The following ADAMTSL1 variants were observed in gnomAD, a reference collection of about 807,000 sequenced individuals.
ADAMTSL1 encodes the protein ADAMTS like 1.
ADAMTSL1 carries 126 observed loss-of-function variants against 201.8 expected under a neutral mutation model. That is an observed-to-expected ratio of 0.62 (90% CI 0.54 to 0.72). The LOEUF is 0.72. ADAMTSL1 is among the 30% of genes least tolerant of loss of function. The pLI, the probability that ADAMTSL1 is intolerant of heterozygous loss-of-function variation, is 0.00. For missense variants in ADAMTSL1, 2,679 were observed against 2,277.8 expected (o/e 1.18, Z -3.59); for synonymous variants, 1,121 against 903.4 (o/e 1.24, Z -4.32).
At chr9:18,157,249 G>C (rs1336830702) in intron 1 of ADAMTSL1, among the ~76,000 whole-genome samples, 1 of 152,050 alleles carries the variant, frequency 6.6e-6, no homozygotes, top group Non-Finnish European at 1.5e-5. Context: ...ACACTGCTCT[G>C]TGAGAATAAG....
intron 1 of ADAMTSL1, among the ~76,000 whole-genome samples, chr9:17,951,632 T>C (rs1429026618): frequency 6.6e-6 from 1 of 151,970 alleles, no homozygotes; most frequent in African/African-American, 2.4e-5. Flanking sequence ...TTACTCTTTT[T>C]TTTTTTTCTA....
At chr9:18,763,858 G>A (rs1399985947) in intron 16 of ADAMTSL1, among the ~76,000 whole-genome samples, 2 of 152,088 alleles carry the variant, frequency 1.3e-5, no homozygotes, top group African/African-American at 2.4e-5. Context: ...CTGTTTTCAT[G>A]CCAGTACTAT....
intron 1 of ADAMTSL1, among the ~76,000 whole-genome samples, chr9:18,021,404 T>A (rs1420927522): frequency 2.0e-5 from 3 of 152,164 alleles, no homozygotes; most frequent in Non-Finnish European, 4.4e-5. Context: ...TTTTCCTCTG[T>A]GGACCCTCCT....
chr9:18,192,066 G>A (rs748655250), intron 2 of ADAMTSL1, among the ~76,000 whole-genome samples: 7 of 151,980 alleles, frequency 4.6e-5, no homozygotes, highest in African/African-American at 2.4e-5. Context: ...TACATTTCAT[G>A]GTCATTTTCT....
Position 18,156,637 on chromosome 9 carries a change from T to TACACACAC in ADAMTSL1, c.88-7207_88-7200dup, listed in dbSNP as rs56324477. On this transcript the variant is annotated intron_variant, in intron 1 of 29. Coordinates refer to the ADAMTSL1 transcript ENST00000680146. ...GATTTAAAGCACAGACATAAACACA[T>TACACACAC]ACACACACACACACACACACACACA... 9.0e-4 allele frequency among the ~76,000 whole-genome samples: 136 copies of TACACACAC among 150,340 alleles called. 1 individual carries two copies. The highest frequency in any genetic ancestry group is 2.3e-3 in the African/African-American group (96 of 40,922).
intron 2 of ADAMTSL1, among the ~76,000 whole-genome samples, chr9:18,527,341 T>G (rs1414834498): frequency 6.6e-6 from 1 of 152,186 alleles, no homozygotes; most frequent in Non-Finnish European, 1.5e-5. Flanking sequence ...CCAGAAGTGT[T>G]AAATGCAGAA....
chr9:18,545,064 A>G (rs560891240), intron 3 of ADAMTSL1, among the ~76,000 whole-genome samples: 6 of 152,272 alleles, frequency 3.9e-5, no homozygotes, highest in African/African-American at 1.4e-4. Context: ...ACAGATAAAG[A>G]CTGATTACAT....
chr9:18,722,868 A>C (rs1315966069), intron 15 of ADAMTSL1: 4 of 669,212 alleles, frequency 6.0e-6, no homozygotes, highest in South Asian at 5.1e-5. Context: ...GGTCCTGTAC[A>C]TGAAATCCTG....
chr9:18,719,049 A>C (rs979825380), intron 14 of ADAMTSL1, among the ~76,000 whole-genome samples: 3 of 152,178 alleles, frequency 2.0e-5, no homozygotes, highest in African/African-American at 7.2e-5. Flanking sequence ...AGACTATTCC[A>C]GTGGGAAGTA....
intron 1 of ADAMTSL1, among the ~76,000 whole-genome samples, chr9:17,909,495 G>A (rs1422549310): frequency 3.8e-5 from 3 of 78,190 alleles, no homozygotes; most frequent in Non-Finnish European, 3.6e-5. Flanking sequence ...ATTGATTTTC[G>A]TATAAGGTGT....
intron 1 of ADAMTSL1, among the ~76,000 whole-genome samples, chr9:18,045,625 C>G (rs758849816): frequency 1.8e-4 from 27 of 152,028 alleles, no homozygotes; most frequent in African/African-American, 2.4e-5. Context: ...CATAGAAATT[C>G]TCACATATAG....
intron 15 of ADAMTSL1, among the ~76,000 whole-genome samples, chr9:18,751,491 A>G (rs1312032270): frequency 1.3e-5 from 2 of 152,198 alleles, no homozygotes; most frequent in African/African-American, 4.8e-5. Context: ...CTTATCTCAT[A>G]TTGTTCTGGA....
At chr9:18,455,188 A>T in intron 2 of ADAMTSL1, among the ~76,000 whole-genome samples, 1 of 152,232 alleles carries the variant, frequency 6.6e-6, no homozygotes, top group East Asian at 1.9e-4. Flanking sequence ...ATGGAACTTG[A>T]TAGTCTCCCA....
chr9:18,809,918 A>G (rs559456183), intron 20 of ADAMTSL1, among the ~76,000 whole-genome samples: 1 of 152,368 alleles, frequency 6.6e-6, no homozygotes, highest in East Asian at 1.9e-4. Context: ...GCTGGCTGCC[A>G]TAAAACTGTA....
intron 23 of ADAMTSL1, among the ~76,000 whole-genome samples, chr9:18,861,116 G>GATCATATAC (rs1827188673): frequency 6.6e-6 from 1 of 151,874 alleles, no homozygotes; most frequent in African/African-American, 2.4e-5. Flanking sequence ...ATTATACAGA[G>GATCATATAC]ATCATATACA....
At chr9:18,218,599 C>T (rs1830140420) in intron 2 of ADAMTSL1, among the ~76,000 whole-genome samples, 1 of 152,022 alleles carries the variant, frequency 6.6e-6, no homozygotes, top group Non-Finnish European at 1.5e-5. Context: ...ATATCTTTTG[C>T]TCATTTTTCT....
intron 1 of ADAMTSL1, among the ~76,000 whole-genome samples, chr9:18,116,292 A>G (rs1190527382): frequency 6.6e-6 from 1 of 152,200 alleles, no homozygotes; most frequent in African/African-American, 2.4e-5. Flanking sequence ...AGTAGCTTCA[A>G]GAGATGGTAA....
chr9:17,963,647 G>GT (rs1817848523), intron 1 of ADAMTSL1, among the ~76,000 whole-genome samples: 2 of 152,090 alleles, frequency 1.3e-5, no homozygotes, highest in Admixed American at 1.3e-4. Context: ...GCAGCTTCCC[G>GT]TTTTTTAATA....
chr9:18,120,733 A>G (rs1343462729), intron 1 of ADAMTSL1, among the ~76,000 whole-genome samples: 1 of 152,206 alleles, frequency 6.6e-6, no homozygotes, highest in African/African-American at 2.4e-5. Flanking sequence ...TTAAACAGAT[A>G]CCCAGATAAT....
Sources: gnomAD v4.1 joint callset for allele counts (sites outside exome capture counted in the v4.1 genomes callset) on GRCh38, gnomAD v4.1.1 for gene constraint, MANE v1.5 for transcripts, NCBI Gene and HGNC (gene_info 2026-07-23, HGNC 2026-07-21) for gene names.